Variants in USP13 observed in about 807,000 individuals in gnomAD.
USP13 encodes the protein ubiquitin specific peptidase 13.
USP13 carries 68 observed loss-of-function variants against 107.8 expected under a neutral mutation model. That is an observed-to-expected ratio of 0.63 (90% CI 0.52 to 0.77). The LOEUF (loss-of-function observed/expected upper bound fraction) is 0.77. Ranked by LOEUF, USP13 falls within the 30% of genes least tolerant of loss-of-function variation. The pLI is 0.00. For missense variants in USP13, 945 were observed against 1,093.3 expected (o/e 0.86, Z 1.91); for synonymous variants, 377 against 389.5 (o/e 0.97, Z 0.38).
chr3:179,679,461 ATTAT>A (rs1346814811), intron 1 of USP13, among the ~76,000 whole-genome samples: 1 of 152,096 alleles, frequency 6.6e-6, no homozygotes, highest in Non-Finnish European at 1.5e-5. Flanking sequence ...TTAGTTTTAC[ATTAT>A]TTTATTATTA....
intron 8 of USP13, among the ~76,000 whole-genome samples, chr3:179,722,539 G>A (rs562792746): frequency 1.3e-5 from 2 of 151,948 alleles, no homozygotes; most frequent in South Asian, 4.2e-4. Context: ...TATTTATGGG[G>A]TATATGTGAT....
chr3:179,715,556 G>A (rs920579173), intron 6 of USP13, among the ~76,000 whole-genome samples: 3 of 150,708 alleles, frequency 2.0e-5, no homozygotes, highest in Non-Finnish European at 4.4e-5. Context: ...GTAGAGACGG[G>A]GTTTCACCAT....
chr3:179,764,905 T>A (rs190327193), intron 18 of USP13, among the ~76,000 whole-genome samples: 2 of 152,326 alleles, frequency 1.3e-5, no homozygotes, highest in Non-Finnish European at 2.9e-5. Context: ...CTTGATTGTC[T>A]CATGAGGATG....
At chr3:179,704,176 G>A (rs1218832908) in intron 4 of USP13, among the ~76,000 whole-genome samples, 1 of 152,180 alleles carries the variant, frequency 6.6e-6, no homozygotes, top group African/African-American at 2.4e-5. Context: ...GAAAACACTG[G>A]ATCAGTGTTT....
At chr3:179,681,173 C>T in intron 1 of USP13, among the ~76,000 whole-genome samples, 1 of 152,144 alleles carries the variant, frequency 6.6e-6, no homozygotes, top group South Asian at 2.1e-4. Flanking sequence ...GTGAAGCCAC[C>T]GCTGTGGGTG....
chr3:179,669,373 T>C (rs1169376205), intron 1 of USP13, among the ~76,000 whole-genome samples: 2 of 151,560 alleles, frequency 1.3e-5, no homozygotes, highest in African/African-American at 4.9e-5. Context: ...GGCACGAGAA[T>C]CTCTTGAACT....
At position 179,701,115 on chromosome 3, in the gene USP13, G is replaced by A; in HGVS notation, c.463G>A (p.Glu155Lys). 1 of 1,591,354 alleles carries A rather than the reference G, an allele frequency of 6.3e-7. No homozygotes were observed. The highest frequency in any genetic ancestry group is 8.6e-7 in the Non-Finnish European group (1 of 1,165,450). ...HYEIALPNIE[E>K]LPALVTIACD... is the part of the protein sequence containing the mutation. Reference sequence around the variant, plus strand: ...TGAAATAGCACTACCAAATATTGAGGAGTTACCAGCCCTGGTCAGTGAGTG... The same window carrying A: ...TGAAATAGCACTACCAAATATTGAGAAGTTACCAGCCCTGGTCAGTGAGTG... Residue 155 changes from glutamate (E) to lysine (K), a missense_variant, in exon 4 of 21, where the codon GAG becomes AAG. Coordinates refer to ENST00000263966, the MANE Select transcript of USP13 (RefSeq NM_003940.3).
At chr3:179,674,352 C>T (rs1221425527) in intron 1 of USP13, among the ~76,000 whole-genome samples, 1 of 152,134 alleles carries the variant, frequency 6.6e-6, no homozygotes, top group African/African-American at 2.4e-5. Flanking sequence ...TAGTCATGTG[C>T]AGTGGGAACA....
chr3:179,653,577 G>T lies in USP13; in HGVS notation c.168+184G>T. The T allele has an allele frequency of 1.2e-6, 1 of 831,102 alleles. No homozygotes were observed. Among genetic ancestry groups the T allele is most frequent in the South Asian group, 1.9e-5 (1 of 52,528 alleles). 51.5% of individuals were successfully genotyped at this position (831,102 alleles called of 1,614,324 possible). On this transcript the variant is annotated intron_variant, in intron 1 of 20. Coordinates refer to ENST00000263966, the MANE Select transcript of USP13 (RefSeq NM_003940.3). This position sits in a 1 kb window ranked among gnomAD's most constrained non-coding sequence, Gnocchi z 4.0. ...CCCAGGGCTGCTGCAGCCGAGGACTGGCTCGTGCTGGTGGTTTTGCTCCGC... is the reference window on the plus strand; with the variant it reads ...CCCAGGGCTGCTGCAGCCGAGGACTTGCTCGTGCTGGTGGTTTTGCTCCGC...
At chr3:179,772,768 T>C (rs930114040) in intron 19 of USP13, among the ~76,000 whole-genome samples, 3 of 152,202 alleles carry the variant, frequency 2.0e-5, no homozygotes, top group Admixed American at 6.5e-5. Context: ...TGGAAGGAAG[T>C]GTTTGCCTTT....
At chr3:179,754,158 G>A (rs1206952975) in intron 14 of USP13, among the ~76,000 whole-genome samples, 1 of 152,000 alleles carries the variant, frequency 6.6e-6, no homozygotes, top group African/African-American at 2.4e-5. Context: ...GTCTTGCTTG[G>A]GTGTTCCCAC....
rs150969754 is a variant in USP13, at chr3:179,776,151, C to G, written c.2414-5588C>G. ...AAATAGTGAGATGAACTAAGTTCAT[C>G]CCCCTAGATCAGGAGCCAGCAACTT... On this transcript the variant is annotated intron_variant, in intron 19 of 20. Coordinates refer to ENST00000263966, the MANE Select transcript of USP13 (RefSeq NM_003940.3). Among the ~76,000 whole-genome samples the G allele has an allele frequency of 5.1e-3, 774 of 152,236 alleles. 3 individuals carry two copies. Among genetic ancestry groups the G allele is most frequent in the Non-Finnish European group, 9.1e-3 (616 of 68,002 alleles).
intron 1 of USP13, among the ~76,000 whole-genome samples, chr3:179,681,149 G>T (rs1194616774): frequency 6.6e-6 from 1 of 152,196 alleles, no homozygotes; most frequent in East Asian, 1.9e-4. Flanking sequence ...GGAGCACTTG[G>T]AGCCAGGGCT....
chr3:179,720,434 G>A (rs1252029181), intron 7 of USP13, among the ~76,000 whole-genome samples: 4 of 152,158 alleles, frequency 2.6e-5, no homozygotes, highest in Non-Finnish European at 4.4e-5. Context: ...AAGCTCCTAG[G>A]GGATAGAACG....
At chr3:179,692,055 G>A (rs1256175982) in intron 3 of USP13, among the ~76,000 whole-genome samples, 2 of 152,100 alleles carry the variant, frequency 1.3e-5, no homozygotes, top group Non-Finnish European at 2.9e-5. Flanking sequence ...GTATATGTAT[G>A]TATGCATGCA....
chr3:179,672,212 A>G (rs561594106), intron 1 of USP13, among the ~76,000 whole-genome samples: 100 of 152,336 alleles, frequency 6.6e-4, no homozygotes, highest in African/African-American at 2.4e-3. Context: ...ACGGCAGGCA[A>G]TATAAAATCA....
intron 19 of USP13, 102 bp from the exon 20 acceptor site, chr3:179,781,637 A>G: frequency 3.1e-6 from 3 of 961,312 alleles, no homozygotes; most frequent in Non-Finnish European, 4.8e-6. Context: ...TTCAAATCTA[A>G]ACAGTTGCTG....
At chr3:179,754,879 T>C (rs1351937376) in intron 15 of USP13, 25 bp downstream of exon 15, 4 of 1,600,170 alleles carry the variant, frequency 2.5e-6, no homozygotes. Context: ...CAGGAGAATA[T>C]GCGCTACCCT....
At chr3:179,733,442 C>G (rs1713875136) in intron 10 of USP13, among the ~76,000 whole-genome samples, 1 of 152,208 alleles carries the variant, frequency 6.6e-6, no homozygotes, top group South Asian at 2.1e-4. Flanking sequence ...AAAATCTCCA[C>G]TTTCCTTGAC....
Sources: allele counts gnomAD v4.1 joint callset (sites outside exome capture counted in the v4.1 genomes callset), GRCh38; gene constraint gnomAD v4.1.1; non-coding constraint Gnocchi (gnomAD v3.1); transcripts MANE v1.5; gene names NCBI Gene and HGNC (gene_info 2026-07-23, HGNC 2026-07-21).